Variants in TOX observed in about 807,000 individuals in gnomAD.
TOX encodes thymocyte selection associated high mobility group box, also known as thymocyte selection-associated high mobility group box protein TOX.
TOX carries 11 observed loss-of-function variants against 53.7 expected under a neutral mutation model. The ratio of observed to expected loss-of-function variants is 0.20; its 90% CI spans 0.13 to 0.34. TOX has a LOEUF of 0.34. TOX is among the 10% of genes least tolerant of loss of function. The pLI, the probability that TOX is intolerant of heterozygous loss-of-function variation, is 1.00. For missense variants in TOX, 570 were observed against 664.6 expected, an observed-to-expected ratio of 0.86 and a Z score of 1.56; for synonymous variants, 225 against 245.3, an observed-to-expected ratio of 0.92 and a Z score of 0.77.
In TOX at chr8:59,016,517, A is replaced by T. The variant is rs143779346; in HGVS notation, c.103-56509T>A. Among the ~76,000 whole-genome samples the T allele has an allele frequency of 5.5e-3, 832 of 152,304 alleles. 2 individuals carry two copies. Among genetic ancestry groups the T allele is most frequent in the African/African-American group, 0.019 (796 of 41,568 alleles). ...GCTCAACTAAAAATGAATGTCAGTA[A>T]ATGATTCTATAAGCACTTATGCTCA... On this transcript the variant is annotated intron_variant, in intron 1 of 8. Transcript: ENST00000361421.
intron 1 of TOX, among the ~76,000 whole-genome samples, chr8:59,045,801 T>C (rs1198300762): frequency 6.6e-6 from 1 of 152,220 alleles, no homozygotes; most frequent in Non-Finnish European, 1.5e-5. Context: ...CTGACTTTTA[T>C]AGGACTCAAA....
rs1810817308 is a variant in TOX at position 58,851,307 on chromosome 8, A to G, written c.693+217T>C. Among the ~76,000 whole-genome samples the G allele has an allele frequency of 6.6e-6, 1 of 152,106 alleles. No homozygotes were observed. The highest frequency in any genetic ancestry group is 6.6e-5 in the Admixed American group (1 of 15,264). Reference sequence around the variant, plus strand: ...TGGGCACAAACAACTTTTACGCTTAACACATCTATATTTAAAGGATTTCTC... The same window carrying G: ...TGGGCACAAACAACTTTTACGCTTAGCACATCTATATTTAAAGGATTTCTC... On this transcript the variant is annotated intron_variant, in intron 4 of 8. Coordinates refer to ENST00000361421, the MANE Select transcript of TOX (RefSeq NM_014729.3). The surrounding 1 kb of genome is among the most constrained non-coding windows in gnomAD (Gnocchi z 4.4).
intron 6 of TOX, among the ~76,000 whole-genome samples, chr8:58,821,609 C>A (rs377580185): frequency 6.6e-6 from 1 of 151,916 alleles, no homozygotes; most frequent in South Asian, 2.1e-4. Flanking sequence ...CTATTTCCCC[C>A]TCTCCCAGCC....
chr8:58,809,686 A>G (rs76301595), intron 7 of TOX, among the ~76,000 whole-genome samples: 66 of 152,320 alleles, frequency 4.3e-4, no homozygotes, highest in African/African-American at 1.5e-3. Flanking sequence ...CTGTTCCTCA[A>G]GCTGTAAATA....
At chr8:58,937,263 G>T (rs1289624558) in intron 3 of TOX, among the ~76,000 whole-genome samples, 1 of 152,194 alleles carries the variant, frequency 6.6e-6, no homozygotes, top group Admixed American at 6.5e-5. Context: ...CCAAATAGTA[G>T]ATTTGTTTCC....
At chr8:59,082,036 G>A (rs1257122276) in intron 1 of TOX, among the ~76,000 whole-genome samples, 3 of 152,150 alleles carry the variant, frequency 2.0e-5, no homozygotes, top group Admixed American at 2.0e-4. Flanking sequence ...CATTCTATCT[G>A]AGAACAGCTT....
In TOX at chr8:58,839,089, C is replaced by G. The variant is rs571177369; in HGVS notation, c.694-778G>C. ...ATGGCTTTTGACTTTGTCCCTAGATCTACGGAATGCTGCCAGGAAAACCCA... is the reference window on the plus strand; with the variant it reads ...ATGGCTTTTGACTTTGTCCCTAGATGTACGGAATGCTGCCAGGAAAACCCA... On this transcript the variant is annotated intron_variant, in intron 4 of 8. Coordinates refer to ENST00000361421, the MANE Select transcript of TOX (RefSeq NM_014729.3). 2.6e-5 allele frequency among the ~76,000 whole-genome samples: 4 copies of G among 152,280 alleles called. No homozygotes were observed. In the East Asian group the frequency reaches 7.7e-4, roughly 29 times the overall value.
chr8:58,912,574 A>C (rs66954327), intron 3 of TOX, among the ~76,000 whole-genome samples: 186 of 152,162 alleles, frequency 1.2e-3, no homozygotes, highest in African/African-American at 4.3e-3. Flanking sequence ...GGTCCCAACA[A>C]CCAGAATTTC....
intron 3 of TOX, among the ~76,000 whole-genome samples, chr8:58,886,197 AC>A (rs1168151158): frequency 6.6e-6 from 1 of 152,100 alleles, no homozygotes; most frequent in Non-Finnish European, 1.5e-5. Flanking sequence ...AATAGCCTTC[AC>A]TGAGAAGAAT....
chr8:58,945,230 T>G (rs1812507526), intron 2 of TOX, among the ~76,000 whole-genome samples: 1 of 152,230 alleles, frequency 6.6e-6, no homozygotes, highest in Admixed American at 6.5e-5. Context: ...ACTGTCTAAA[T>G]TTGTACAAAA....
At chr8:58,945,919 T>C (rs1040138309) in intron 2 of TOX, among the ~76,000 whole-genome samples, 2 of 152,124 alleles carry the variant, frequency 1.3e-5, no homozygotes, top group African/African-American at 4.8e-5. Context: ...CAGAGCACTT[T>C]ATCTTTGGTG....
intron 3 of TOX, among the ~76,000 whole-genome samples, chr8:58,879,254 T>G (rs768044914): frequency 6.6e-6 from 1 of 152,218 alleles, no homozygotes; most frequent in Non-Finnish European, 1.5e-5. Context: ...ACTGGCATGA[T>G]AGCTAAGAAT....
At chr8:58,833,382 G>A (rs550621222) in intron 5 of TOX, among the ~76,000 whole-genome samples, 1 of 152,204 alleles carries the variant, frequency 6.6e-6, no homozygotes, top group East Asian at 1.9e-4. Context: ...CTTCAAAGCG[G>A]GACGAGCTCT....
intron 3 of TOX, among the ~76,000 whole-genome samples, chr8:58,919,222 A>C (rs1812032418): frequency 7.0e-6 from 1 of 142,990 alleles, no homozygotes; most frequent in African/African-American, 2.7e-5. Context: ...GTTCATATGG[A>C]ACCAAAAAAG....
rs1812521183 is a variant in TOX, at chr8:58,946,266, T to C, written c.169-6722A>G. ...AGGGAAAGCAAATTAAACTGAGAAG[T>C]TTATTAGAAAAATAATAAGCTTCCT... On this transcript the variant is annotated intron_variant, in intron 2 of 8. Coordinates refer to ENST00000361421, the MANE Select transcript of TOX (RefSeq NM_014729.3). Among the ~76,000 whole-genome samples the C allele has an allele frequency of 1.3e-5, 2 of 152,134 alleles. 1 individual carries two copies. The highest frequency in any genetic ancestry group is 4.1e-4 in the South Asian group (2 of 4,830).
Position 59,068,781 on chromosome 8 carries a change from A to G in TOX, c.102+50105T>C, listed in dbSNP as rs529833786. On this transcript the variant is annotated intron_variant, in intron 1 of 8. Transcript: ENST00000361421. ...GATTGTGGAGCCTAGGTTTGTAACCACTTCACTAAGAATTACAACATTACC... is the reference window on the plus strand; with the variant it reads ...GATTGTGGAGCCTAGGTTTGTAACCGCTTCACTAAGAATTACAACATTACC... Among the ~76,000 whole-genome samples the G allele has an allele frequency of 1.4e-4, 22 of 152,316 alleles. 1 individual carries two copies. The South Asian group carries it at 3.7e-3, about 26-fold the overall frequency.
intron 1 of TOX, among the ~76,000 whole-genome samples, chr8:59,045,844 C>T (rs760849855): frequency 7.9e-5 from 12 of 152,192 alleles, no homozygotes; most frequent in Non-Finnish European, 1.8e-4. Flanking sequence ...CTGTGATTAT[C>T]ATGGAATGAG....
At chr8:58,987,943 A>G (rs1813363938) in intron 1 of TOX, among the ~76,000 whole-genome samples, 1 of 152,228 alleles carries the variant, frequency 6.6e-6, no homozygotes. Flanking sequence ...TGAGAAAAGA[A>G]GCTGGCCTAA....
At chr8:59,070,732 T>C (rs1804183305) in intron 1 of TOX, among the ~76,000 whole-genome samples, 1 of 152,164 alleles carries the variant, frequency 6.6e-6, no homozygotes, top group Non-Finnish European at 1.5e-5. Context: ...TAGAAGAAAG[T>C]ATTTGTTCAT....
Sources: allele counts gnomAD v4.1 joint callset (sites outside exome capture counted in the v4.1 genomes callset), GRCh38; gene constraint gnomAD v4.1.1; non-coding constraint Gnocchi (gnomAD v3.1); transcripts MANE v1.5; gene names NCBI Gene and HGNC (gene_info 2026-07-23, HGNC 2026-07-21).